TTLL11: variants seen among roughly 807,000 people sequenced by gnomAD.
TTLL11 encodes the protein tubulin tyrosine ligase like 11.
Under a neutral mutation model 51.7 loss-of-function variants are expected in TTLL11, and 42 were observed. The ratio of observed to expected loss-of-function variants is 0.81; its 90% confidence interval spans 0.64 to 1.05. TTLL11 has a LOEUF of 1.05. Ranked by LOEUF, TTLL11 falls within the 50% of genes least tolerant of loss-of-function variation. The pLI, the probability that TTLL11 is intolerant of heterozygous loss-of-function variation, is 0.00. For missense variants in TTLL11, 799 were observed against 940.4 expected (o/e 0.85, Z 1.97); for synonymous variants, 381 against 383.5 (o/e 0.99, Z 0.08).
chr9:122,051,046 C>T (rs1447148157), intron 1 of TTLL11, among the ~76,000 whole-genome samples: 1 of 152,134 alleles, frequency 6.6e-6, no homozygotes, highest in African/African-American at 2.4e-5. Flanking sequence ...ATAATGAATG[C>T]ACCATTTCAG....
chr9:121,969,228 A>G (rs1366732792), intron 6 of TTLL11, among the ~76,000 whole-genome samples: 1 of 152,168 alleles, frequency 6.6e-6, no homozygotes, highest in Non-Finnish European at 1.5e-5. Flanking sequence ...ATGAGGCTCA[A>G]AACAGCTATG....
At chr9:122,031,283 G>T (rs1248747547) in intron 3 of TTLL11, among the ~76,000 whole-genome samples, 1 of 152,198 alleles carries the variant, frequency 6.6e-6, no homozygotes, top group South Asian at 2.1e-4. Flanking sequence ...ACACTGAAAA[G>T]GTTCCCCATG....
chr9:121,955,795 G>A (rs1588152471), intron 6 of TTLL11, among the ~76,000 whole-genome samples: 2 of 152,100 alleles, frequency 1.3e-5, no homozygotes, highest in Non-Finnish European at 2.9e-5. Flanking sequence ...AAAGGCCTTC[G>A]ACTTCTCTAT....
intron 6 of TTLL11, among the ~76,000 whole-genome samples, chr9:121,941,792 ACTC>A (rs1278118710): frequency 6.6e-6 from 1 of 151,824 alleles, no homozygotes; most frequent in Non-Finnish European, 1.5e-5. Flanking sequence ...ACGGATCAGT[ACTC>A]CTCTGTGTTC....
intron 7 of TTLL11, 47 bp from the exon 8 acceptor site, chr9:121,860,490 C>A: frequency 6.9e-7 from 1 of 1,452,182 alleles, no homozygotes; most frequent in South Asian, 1.2e-5. Context: ...TGAAACCTGT[C>A]CTGTCTATCT....
intron 1 of TTLL11, among the ~76,000 whole-genome samples, chr9:122,084,300 C>T (rs990186871): frequency 9.2e-5 from 14 of 151,984 alleles, no homozygotes; most frequent in African/African-American, 3.1e-4. Flanking sequence ...GGAAGGAAGC[C>T]GCCAGAAATG....
intron 8 of TTLL11, among the ~76,000 whole-genome samples, chr9:121,848,718 A>G (rs745857825): frequency 9.2e-5 from 14 of 152,214 alleles, no homozygotes; most frequent in Non-Finnish European, 1.8e-4. Context: ...TGCAAGATCT[A>G]TATGAGGAAA....
intron 3 of TTLL11, among the ~76,000 whole-genome samples, chr9:122,002,596 G>A (rs1050938184): frequency 1.3e-5 from 2 of 152,058 alleles, no homozygotes; most frequent in Admixed American, 6.5e-5. Flanking sequence ...GATGGCAGAG[G>A]CAATGTTTTC....
At chr9:121,895,332 TTG>T (rs1401926442) in intron 6 of TTLL11, among the ~76,000 whole-genome samples, 7 of 145,094 alleles carry the variant, frequency 4.8e-5, no homozygotes, top group Non-Finnish European at 6.2e-5. Context: ...GTGCACAGAG[TTG>T]TGTTTGTGTG....
chr9:121,920,316 T>A (rs977265735), intron 6 of TTLL11, among the ~76,000 whole-genome samples: 1 of 152,100 alleles, frequency 6.6e-6, no homozygotes, highest in Non-Finnish European at 1.5e-5. Context: ...AAATTTTTTT[T>A]TATAAATTCA....
At chr9:121,836,224 G>A (rs1837175671) in intron 8 of TTLL11, among the ~76,000 whole-genome samples, 1 of 152,148 alleles carries the variant, frequency 6.6e-6, no homozygotes, top group Non-Finnish European at 1.5e-5. Flanking sequence ...GTGTTAGTTG[G>A]GTGTGGGCAG....
intron 6 of TTLL11, among the ~76,000 whole-genome samples, chr9:121,898,749 G>C (rs776979587): frequency 2.0e-5 from 3 of 152,194 alleles, no homozygotes; most frequent in Non-Finnish European, 4.4e-5. Flanking sequence ...AAACCTCTGG[G>C]ATCAAGCGAT....
At chr9:121,925,996 A>G (rs773004447) in intron 6 of TTLL11, among the ~76,000 whole-genome samples, 1 of 152,160 alleles carries the variant, frequency 6.6e-6, no homozygotes, top group Non-Finnish European at 1.5e-5. Context: ...TGCCATATCA[A>G]TGTCTTCCAG....
At chr9:121,905,755 C>T (rs1352887028) in intron 6 of TTLL11, among the ~76,000 whole-genome samples, 1 of 152,140 alleles carries the variant, frequency 6.6e-6, no homozygotes, top group African/African-American at 2.4e-5. Flanking sequence ...CCCATATTTA[C>T]ATTGTTTCTA....
chr9:121,889,684 G>A (rs1465921159), intron 6 of TTLL11, among the ~76,000 whole-genome samples: 4 of 152,264 alleles, frequency 2.6e-5, no homozygotes, highest in East Asian at 3.9e-4. Flanking sequence ...GGTGGATCAC[G>A]AGGTCAGGAG....
At chr9:121,862,395 GA>G (rs535482885) in intron 7 of TTLL11, among the ~76,000 whole-genome samples, 166 of 152,262 alleles carry the variant, frequency 1.1e-3, no homozygotes, top group Admixed American at 2.2e-3. Context: ...TACATGCCAA[GA>G]ACCCAGCATG....
intron 1 of TTLL11, among the ~76,000 whole-genome samples, chr9:122,053,914 G>A (rs577687659): frequency 6.6e-6 from 1 of 151,996 alleles, no homozygotes; most frequent in African/African-American, 2.4e-5. Context: ...GCGCCGTCTG[G>A]CTCCAGTGGG....
chr9:121,889,573 A>T (rs1197243134), intron 6 of TTLL11, among the ~76,000 whole-genome samples: 1 of 151,746 alleles, frequency 6.6e-6, no homozygotes, highest in East Asian at 1.9e-4. Context: ...CTACTTTCTG[A>T]CTCTATGAAT....
intron 1 of TTLL11, among the ~76,000 whole-genome samples, chr9:122,087,408 A>G (rs1846153082): frequency 6.6e-6 from 1 of 152,230 alleles, no homozygotes; most frequent in Admixed American, 6.5e-5. Flanking sequence ...AGTAACTAAT[A>G]TTATACAAGT....
Sources: gnomAD v4.1 joint callset for allele counts (sites outside exome capture counted in the v4.1 genomes callset) on GRCh38, gnomAD v4.1.1 for gene constraint, MANE v1.5 for transcripts, NCBI Gene and HGNC (gene_info 2026-07-23, HGNC 2026-07-21) for gene names.